The following GALNT9 variants were observed in gnomAD, a reference collection of about 807,000 sequenced individuals.
GALNT9 encodes GalNAc transferase 9.
GALNT9 carries 47 observed loss-of-function variants against 63.1 expected under a neutral mutation model. The observed-to-expected ratio is 0.75, with a 90% confidence interval of 0.59 to 0.95. The LOEUF is 0.95. Ranked by LOEUF, GALNT9 falls within the 40% of genes least tolerant of loss-of-function variation. The pLI is 0.00. For synonymous variants in GALNT9, 396 were observed against 365.7 expected (o/e 1.08, Z -0.94); for missense variants, 829 against 874.8 (o/e 0.95, Z 0.66).
At chr12:132,240,567 C>T (rs2136898664) in intron 6 of GALNT9, 17 of 449,648 alleles carry the variant, frequency 3.8e-5, no homozygotes, top group Admixed American at 1.4e-4. Context: ...CTGTGGGCTC[C>T]GTGCGTGGCC....
At chr12:132,230,749 G>A (rs1877859280) in intron 6 of GALNT9, among the ~76,000 whole-genome samples, 1 of 152,260 alleles carries the variant, frequency 6.6e-6, no homozygotes, top group South Asian at 2.1e-4. Flanking sequence ...ACGTGTGATA[G>A]CCACACTGGA....
Position 132,203,695 on chromosome 12 carries a change from G to T in GALNT9, c.1078-5C>A. ...GCTGCCGCCACACTGCCACACCTGC[G>T]GGGAGACGGCGCTGGGTGCCGGCGT... is the stretch of plus-strand genomic sequence containing the variant. On this transcript the variant is annotated splice_polypyrimidine_tract_variant and splice_region_variant and intron_variant, in intron 6 of 10. Coordinates refer to ENST00000328957, the MANE Select transcript of GALNT9 (RefSeq NM_001122636.2). 6.2e-7 allele frequency: 1 copy of T among 1,610,446 alleles called. No homozygotes were observed. The highest frequency in any genetic ancestry group is 8.5e-7 in the Non-Finnish European group (1 of 1,179,364).
At chr12:132,260,061 A>ATTGTGGGCGCAGGGC (rs1879316416) in intron 4 of GALNT9, among the ~76,000 whole-genome samples, 2 of 151,708 alleles carry the variant, frequency 1.3e-5, no homozygotes, top group African/African-American at 4.8e-5. Flanking sequence ...CACCCAGTGC[A>ATTGTGGGCGCAGGGC]CTATGGACCC....
intron 1 of GALNT9, among the ~76,000 whole-genome samples, chr12:132,290,965 T>A (rs1178719179): frequency 4.4e-5 from 2 of 45,430 alleles, no homozygotes; most frequent in African/African-American, 9.9e-5. Context: ...AGCGCCCACA[T>A]CCACAGCACC....
At chr12:132,290,035 G>C (rs1555242546) in intron 1 of GALNT9, among the ~76,000 whole-genome samples, 1 of 152,210 alleles carries the variant, frequency 6.6e-6, no homozygotes, top group Non-Finnish European at 1.5e-5. Context: ...GCTGCTGAGA[G>C]AAGCTGCTCG....
chr12:132,265,858 A>C lies in GALNT9; in HGVS notation c.420-3233T>G, dbSNP rs1316564967. The stretch of plus-strand genomic sequence containing the variant: ...TTTTAATAGTAAGAGACACACCCCC[A>C]GGTGAGGATTCTATATGTAATGATA... On this transcript the variant is annotated intron_variant, in intron 2 of 10. Coordinates refer to ENST00000328957, the MANE Select transcript of GALNT9 (RefSeq NM_001122636.2). This position sits in a 1 kb window ranked among gnomAD's most constrained non-coding sequence, Gnocchi z 5.3. Among the ~76,000 whole-genome samples, 2 of 152,226 alleles carry C rather than the reference A, an allele frequency of 1.3e-5. No individual in the cohort carries two copies. Among genetic ancestry groups the C allele is most frequent in the Non-Finnish European group, 2.9e-5 (2 of 68,038 alleles).
rs1446264143 is a variant in GALNT9 at position 132,238,760 on chromosome 12, C to G, written c.1077+9150G>C. Among the ~76,000 whole-genome samples, 1 of 152,208 alleles carries G rather than the reference C, an allele frequency of 6.6e-6. No homozygotes were observed. Among genetic ancestry groups the G allele is most frequent in the Non-Finnish European group, 1.5e-5 (1 of 68,036 alleles). The stretch of plus-strand genomic sequence containing the variant: ...AATGACAGCCTGATTCCTCCGCCCC[C>G]TCATCTGCAGGCCACCCGCCCAGGG... On this transcript the variant is annotated intron_variant, in intron 6 of 10. Coordinates refer to ENST00000328957, the MANE Select transcript of GALNT9 (RefSeq NM_001122636.2). This position sits in a 1 kb window ranked among gnomAD's most constrained non-coding sequence, Gnocchi z 6.5.
intron 6 of GALNT9, among the ~76,000 whole-genome samples, chr12:132,204,917 CTG>C (rs1345433110): frequency 6.6e-5 from 10 of 152,128 alleles, no homozygotes; most frequent in Non-Finnish European, 8.8e-5. Flanking sequence ...AGGGCGGGCA[CTG>C]TGCTTGCCTC....
At chr12:132,206,572 G>A (rs1024845288) in intron 6 of GALNT9, among the ~76,000 whole-genome samples, 2 of 152,168 alleles carry the variant, frequency 1.3e-5, no homozygotes, top group Non-Finnish European at 2.9e-5. Flanking sequence ...TCTTGAACCC[G>A]GGAGGCAGAG....
At chr12:132,205,870 C>T (rs1404601474) in intron 6 of GALNT9, 1 of 152,208 alleles carries the variant, frequency 6.6e-6, no homozygotes, top group Non-Finnish European at 1.5e-5. Context: ...GCGGATGTCT[C>T]CCACCCTCAA....
In GALNT9 at chr12:132,279,871, C is replaced by G. The variant is rs984719118; in HGVS notation, c.419+6379G>C. 3 of 151,328 alleles carry G rather than the reference C, an allele frequency of 2.0e-5. No individual in the cohort carries two copies. The highest frequency in any genetic ancestry group is 4.9e-5 in the African/African-American group (2 of 41,140). 9.4% of individuals were successfully genotyped at this position (151,328 alleles called of 1,614,324 possible). On this transcript the variant is annotated intron_variant, in intron 2 of 10. Transcript: ENST00000328957. This position sits in a 1 kb window ranked among gnomAD's most constrained non-coding sequence, Gnocchi z 4.1. The stretch of plus-strand genomic sequence containing the variant: ...ATCCAATTCCTGGATGCCCAGTGTC[C>G]GCCAGGTCTCCTGGATTCACTGTGG...
chr12:132,313,805 TC>T, intron 1 of GALNT9, among the ~76,000 whole-genome samples: 2 of 38,240 alleles, frequency 5.2e-5, no homozygotes, highest in Admixed American at 2.6e-4. Context: ...CACCCACCCA[TC>T]CACCCATCCA....
At chr12:132,227,924 T>C (rs1342877233) in intron 6 of GALNT9, among the ~76,000 whole-genome samples, 1 of 152,046 alleles carries the variant, frequency 6.6e-6, no homozygotes, top group Admixed American at 6.5e-5. Context: ...TGAGCCTCGG[T>C]TTCCCCATCT....
At chr12:132,229,668 A>T (rs1482759212) in intron 6 of GALNT9, among the ~76,000 whole-genome samples, 3 of 152,288 alleles carry the variant, frequency 2.0e-5, no homozygotes, top group Middle Eastern at 3.4e-3. Context: ...CACGGCCGGC[A>T]TGGTTGGCAA....
chr12:132,315,119 C>T lies in GALNT9; in HGVS notation c.238+13847G>A, dbSNP rs1868435135. 6.6e-6 allele frequency among the ~76,000 whole-genome samples: 1 copy of T among 152,170 alleles called. No individual in the cohort carries two copies. The highest frequency in any genetic ancestry group is 6.5e-5 in the Admixed American group (1 of 15,292). ...GGTGGCCCAGGGGGAGGTGGTGGGGCCGGGCTCTGAGTCCAGGCGGCCCAG... is the reference window on the plus strand; with the variant it reads ...GGTGGCCCAGGGGGAGGTGGTGGGGTCGGGCTCTGAGTCCAGGCGGCCCAG... On this transcript the variant is annotated intron_variant, in intron 1 of 10. Transcript: ENST00000328957. This position sits in a 1 kb window ranked among gnomAD's most constrained non-coding sequence, Gnocchi z 6.1.
chr12:132,203,724 T>C, intron 6 of GALNT9, 34 bp from the exon 7 acceptor site: 1 of 1,600,036 alleles, frequency 6.2e-7, no homozygotes, highest in Non-Finnish European at 8.5e-7. Context: ...CCGGCGTCCT[T>C]CCCAACGGAA....
At chr12:132,328,882 C>G (rs1216791687) in intron 1 of GALNT9, 84 bp downstream of exon 1, 4 of 1,386,574 alleles carry the variant, frequency 2.9e-6, no homozygotes, top group South Asian at 1.6e-5. Flanking sequence ...GGCGCGCACC[C>G]GAGGCCGGCC....
intron 6 of GALNT9, among the ~76,000 whole-genome samples, chr12:132,235,688 C>G (rs1365321327): frequency 6.6e-6 from 1 of 150,714 alleles, no homozygotes. Context: ...GAGGGTCCCC[C>G]GGGCTGGAGT....
chr12:132,260,374 G>A (rs900211006), intron 4 of GALNT9, among the ~76,000 whole-genome samples: 1 of 152,166 alleles, frequency 6.6e-6, no homozygotes, highest in Non-Finnish European at 1.5e-5. Flanking sequence ...TTGCTGCTCC[G>A]AGCCGCCCAG....
Sources: allele counts gnomAD v4.1 joint callset (sites outside exome capture counted in the v4.1 genomes callset), GRCh38; gene constraint gnomAD v4.1.1; non-coding constraint Gnocchi (gnomAD v3.1); transcripts MANE v1.5; gene names NCBI Gene and HGNC (gene_info 2026-07-23, HGNC 2026-07-21).